Variants in TRAT1 observed in about 807,000 individuals in gnomAD.
TRAT1 encodes the protein T-cell receptor-associated transmembrane adapter 1.
Under a neutral mutation model 20.0 loss-of-function variants are expected in TRAT1, and 20 were observed. The ratio of observed to expected loss-of-function variants is 1.00; its 90% confidence interval spans 0.70 to 1.45. TRAT1 has a LOEUF of 1.45. Among genes scored for constraint, TRAT1 ranks in the 40% most tolerant of loss-of-function variants. The probability of loss-of-function intolerance (pLI) is 0.00; values close to 1 mark genes in which losing one functional copy is unlikely to be tolerated. For missense variants in TRAT1, 237 were observed against 224.1 expected (o/e 1.06, Z -0.37); for synonymous variants, 77 against 74.2 (o/e 1.04, Z -0.20).
chr3:108,839,064 T>C (rs960105835), intron 3 of TRAT1, 97 bp downstream of exon 3: 2 of 902,104 alleles, frequency 2.2e-6, no homozygotes, highest in African/African-American at 1.7e-5. Flanking sequence ...ATATTGTACT[T>C]AGGTTAAAAT....
intron 5 of TRAT1, 117 bp downstream of exon 5, chr3:108,849,371 C>A: frequency 1.3e-6 from 1 of 773,034 alleles, no homozygotes; most frequent in South Asian, 1.9e-5. Context: ...ATGTCAAGTT[C>A]TGGGACCTGA....
intron 1 of TRAT1, among the ~76,000 whole-genome samples, chr3:108,827,134 T>C (rs565701850): frequency 1.3e-5 from 2 of 152,298 alleles, no homozygotes; most frequent in Non-Finnish European, 2.9e-5. Context: ...TTTTTAACAG[T>C]GTAAATAGCT....
intron 2 of TRAT1, among the ~76,000 whole-genome samples, chr3:108,835,365 CTTT>C (rs1041085536): frequency 6.6e-6 from 1 of 152,196 alleles, no homozygotes; most frequent in Non-Finnish European, 1.5e-5. Context: ...AAAGCATACA[CTTT>C]TTTTATTTTG....
chr3:108,841,597 T>C (rs1484960971), intron 3 of TRAT1, among the ~76,000 whole-genome samples: 1 of 152,106 alleles, frequency 6.6e-6, no homozygotes, highest in Non-Finnish European at 1.5e-5. Flanking sequence ...GGGTTCTCTG[T>C]TGCACTCTCT....
chr3:108,841,609 C>T (rs1945897520), intron 3 of TRAT1, among the ~76,000 whole-genome samples: 1 of 152,050 alleles, frequency 6.6e-6, no homozygotes, highest in Non-Finnish European at 1.5e-5. Context: ...GCACTCTCTC[C>T]CCACTCCTAT....
chr3:108,835,015 C>T (rs931325589), intron 2 of TRAT1, among the ~76,000 whole-genome samples: 2 of 152,092 alleles, frequency 1.3e-5, no homozygotes, highest in Admixed American at 1.3e-4. Flanking sequence ...AAAAACTATT[C>T]TTTGTTTAAC....
At position 108,822,942 on chromosome 3, in the gene TRAT1, G is replaced by T. The variant is rs749491683; in HGVS notation, c.7+8G>T. On this transcript the variant is annotated splice_region_variant and intron_variant, in intron 1 of 5. Coordinates refer to ENST00000295756, the MANE Select transcript of TRAT1 (RefSeq NM_016388.4). ...AAAAAAGAAGCATGTCAGGTAAGTG[G>T]CATTTTAAACTTTTTGTTCCATTTG... 1.1e-5 allele frequency: 17 copies of T among 1,610,196 alleles called. No homozygotes were observed. Among genetic ancestry groups the T allele is most frequent in the Middle Eastern group, 1.6e-4 (1 of 6,062 alleles).
chr3:108,843,294 G>A (rs1945911762), intron 3 of TRAT1, among the ~76,000 whole-genome samples: 1 of 152,138 alleles, frequency 6.6e-6, no homozygotes, highest in Non-Finnish European at 1.5e-5. Flanking sequence ...CACTTTGGGA[G>A]GCCGAGGCAG....
At position 108,838,262 on chromosome 3, in the gene TRAT1, C is replaced by T. The variant is rs879412377; in HGVS notation, c.119-672C>T. ...TGTGGATGAAATGAAGTCATGATCA[C>T]AGCAGCTTTCTTAATATCATTTTTA... On this transcript the variant is annotated intron_variant, in intron 2 of 5. Transcript: ENST00000295756. 6.6e-4 allele frequency among the ~76,000 whole-genome samples: 101 copies of T among 152,140 alleles called. 1 individual carries two copies. The highest frequency in any genetic ancestry group is 5.8e-3 in the Admixed American group (88 of 15,282).
At chr3:108,825,880 C>T (rs933548852) in intron 1 of TRAT1, among the ~76,000 whole-genome samples, 1 of 152,090 alleles carries the variant, frequency 6.6e-6, no homozygotes, top group Non-Finnish European at 1.5e-5. Context: ...TTCAGAGGAT[C>T]TTACTAAGGT....
intron 2 of TRAT1, among the ~76,000 whole-genome samples, chr3:108,836,552 T>C (rs1945844077): frequency 6.6e-6 from 1 of 152,208 alleles, no homozygotes; most frequent in South Asian, 2.1e-4. Flanking sequence ...ATCTTAATAA[T>C]ACCAGTGTGT....
intron 3 of TRAT1, among the ~76,000 whole-genome samples, chr3:108,841,219 A>T (rs539494891): frequency 1.3e-4 from 20 of 152,372 alleles, no homozygotes; most frequent in African/African-American, 4.8e-4. Context: ...TCCCTTAAGG[A>T]TTTATAAAAT....
At chr3:108,826,560 A>T (rs1333025222) in intron 1 of TRAT1, among the ~76,000 whole-genome samples, 1 of 152,154 alleles carries the variant, frequency 6.6e-6, no homozygotes, top group African/African-American at 2.4e-5. Flanking sequence ...CGTTCAAAAA[A>T]TCATCAAGAA....
intron 1 of TRAT1, among the ~76,000 whole-genome samples, chr3:108,826,894 T>C (rs981508047): frequency 5.3e-5 from 8 of 152,298 alleles, no homozygotes; most frequent in African/African-American, 1.9e-4. Context: ...GTAAATCAAA[T>C]CTGCCAGCAG....
chr3:108,822,806 T>G lies in TRAT1; in HGVS notation c.-122T>G. ...TCCGAGGCACAGATAAAGATAAGTT[T>G]TACTGTCATGCTGCTTTTAACATAA... On this transcript the variant is annotated 5_prime_UTR_variant, in exon 1 of 6. Coordinates refer to ENST00000295756, the MANE Select transcript of TRAT1 (RefSeq NM_016388.4). The G allele has an allele frequency of 1.4e-6, 1 of 737,860 alleles. No homozygotes were observed. Among genetic ancestry groups the G allele is most frequent in the Non-Finnish European group, 2.3e-6 (1 of 435,448 alleles). The allele number at this position is 737,860 out of a possible 1,614,324, so 45.7% of individuals were successfully genotyped here.
rs566698007 is a variant in TRAT1, at chr3:108,830,667, C to T, written c.8-3C>T. Reference sequence around the variant, plus strand: ...TTATGTGTATGTTTATTTTAATTTCCAGGAATCTCTGGGTGCCCCTTTTTC... The same window carrying T: ...TTATGTGTATGTTTATTTTAATTTCTAGGAATCTCTGGGTGCCCCTTTTTC... On this transcript the variant is annotated splice_polypyrimidine_tract_variant and splice_region_variant and intron_variant, in intron 1 of 5. Transcript: ENST00000295756. 3.1e-6 allele frequency: 5 copies of T among 1,598,044 alleles called. No individual in the cohort carries two copies. In the Admixed American group the frequency reaches 6.7e-5, roughly 21 times the overall value.
At chr3:108,842,516 G>A (rs181638669) in intron 3 of TRAT1, among the ~76,000 whole-genome samples, 41 of 152,216 alleles carry the variant, frequency 2.7e-4, no homozygotes, top group African/African-American at 9.4e-4. Flanking sequence ...TAACCAAAGT[G>A]TCTCTACGTC....
chr3:108,838,273 T>C lies in TRAT1; in HGVS notation c.119-661T>C, dbSNP rs375491895. ...TGAAGTCATGATCACAGCAGCTTTC[T>C]TAATATCATTTTTATGTTGTTACTC... On this transcript the variant is annotated intron_variant, in intron 2 of 5. Transcript: ENST00000295756. Among the ~76,000 whole-genome samples, 10 of 152,264 alleles carry C rather than the reference T, an allele frequency of 6.6e-5. No individual in the cohort carries two copies. The East Asian group carries it at 7.7e-4, about 12-fold the overall frequency.
At position 108,853,966 on chromosome 3, in the gene TRAT1, C is replaced by T; in HGVS notation, c.*89C>T. The T allele has an allele frequency of 6.1e-6, 8 of 1,313,626 alleles. No homozygotes were observed. The highest frequency in any genetic ancestry group is 8.6e-6 in the Non-Finnish European group (8 of 929,130). The allele number at this position is 1,313,626 out of a possible 1,614,324, so 81.4% of individuals were successfully genotyped here. A position where few individuals can be genotyped will look rare whatever the true frequency, so the allele number is the denominator to read the frequency against. ...GCACAGAGGACACAGAAGGACTTGG[C>T]AGCAGGGTGATGACCTGATCATTTG... is the stretch of plus-strand genomic sequence containing the variant. On this transcript the variant is annotated 3_prime_UTR_variant, in exon 6 of 6. Transcript: ENST00000295756.
Sources: gnomAD v4.1 joint callset for allele counts (sites outside exome capture counted in the v4.1 genomes callset) on GRCh38, gnomAD v4.1.1 for gene constraint, MANE v1.5 for transcripts, NCBI Gene and HGNC (gene_info 2026-07-23, HGNC 2026-07-21) for gene names.